Variants in ARL13B observed in about 807,000 individuals in gnomAD.
ARL13B encodes ADP-ribosylation factor-like protein 13B.
ARL13B carries 36 observed loss-of-function variants against 56.1 expected under a neutral mutation model. The observed-to-expected ratio is 0.64, with a 90% CI of 0.49 to 0.85. ARL13B has a LOEUF of 0.85. ARL13B is among the 40% of genes least tolerant of loss of function. ARL13B has a pLI of 0.00. For synonymous variants in ARL13B, 178 were observed against 171.1 expected (o/e 1.04, Z -0.32); for missense variants, 519 against 507.1 (o/e 1.02, Z -0.23).
chr3:94,050,214 G>A (rs1004442871), intron 8 of ARL13B, among the ~76,000 whole-genome samples: 1 of 149,400 alleles, frequency 6.7e-6, no homozygotes, highest in Non-Finnish European at 1.5e-5. Flanking sequence ...GAAAGTTAAT[G>A]TTTGAAACCA....
At chr3:94,042,985 G>A in intron 6 of ARL13B, 30 bp from the exon 7 acceptor site, 1 of 1,528,560 alleles carries the variant, frequency 6.5e-7, no homozygotes, top group Non-Finnish European at 8.9e-7. Context: ...AACCATCATA[G>A]TAAAGATAAT....
At chr3:93,996,667 C>T (rs749857841) in intron 2 of ARL13B, 3 of 425,858 alleles carry the variant, frequency 7.0e-6, no homozygotes, top group African/African-American at 4.1e-5. Context: ...CATGAGCCAC[C>T]ACGCCCAGCC....
intron 3 of ARL13B, among the ~76,000 whole-genome samples, chr3:94,006,661 T>G (rs1243157906): frequency 6.6e-6 from 1 of 152,206 alleles, no homozygotes; most frequent in African/African-American, 2.4e-5. Context: ...GGTACATGCT[T>G]GTTATGACCA....
intron 4 of ARL13B, 94 bp downstream of exon 4, chr3:94,035,530 G>C: frequency 1.2e-6 from 1 of 836,864 alleles, no homozygotes; most frequent in Non-Finnish European, 1.9e-6. Flanking sequence ...GCAATTAAAA[G>C]GCAATGTTTT....
chr3:94,050,923 A>C, intron 9 of ARL13B, 31 bp downstream of exon 9: 3 of 1,588,864 alleles, frequency 1.9e-6, no homozygotes, highest in Non-Finnish European at 2.6e-6. Flanking sequence ...TTCAGATATC[A>C]TCTGTACATG....
intron 7 of ARL13B, among the ~76,000 whole-genome samples, chr3:94,044,690 C>T (rs948541547): frequency 6.9e-6 from 1 of 145,820 alleles, no homozygotes; most frequent in Non-Finnish European, 1.5e-5. Flanking sequence ...CCCGGCTGCC[C>T]ATCGTCTGGG....
At chr3:94,048,683 C>T (rs542338011) in intron 7 of ARL13B, among the ~76,000 whole-genome samples, 1 of 152,048 alleles carries the variant, frequency 6.6e-6, no homozygotes, top group Non-Finnish European at 1.5e-5. Context: ...CCTTGAACTC[C>T]AGGGCTCAAG....
At chr3:94,018,453 C>T (rs978080552) in intron 3 of ARL13B, among the ~76,000 whole-genome samples, 8 of 151,962 alleles carry the variant, frequency 5.3e-5, no homozygotes, top group African/African-American at 1.9e-4. Flanking sequence ...TTGGCTCTTC[C>T]TTTATCACTA....
In ARL13B at chr3:94,018,802, G is replaced by C. The variant is rs567996945; in HGVS notation, c.380+14894G>C. ...GTTTTTTGAGACCGAGTCTCACTCT[G>C]TCCCCTAGGCCGGAGTGCAGTGGTG... On this transcript the variant is annotated intron_variant, in intron 3 of 9. Coordinates refer to ENST00000394222, the MANE Select transcript of ARL13B (RefSeq NM_001174150.2). Among the ~76,000 whole-genome samples, 4 of 152,214 alleles carry C rather than the reference G, an allele frequency of 2.6e-5. No individual in the cohort carries two copies. The East Asian group carries it at 7.7e-4, about 29-fold the overall frequency.
intron 1 of ARL13B, among the ~76,000 whole-genome samples, chr3:93,982,538 C>T (rs1302104730): frequency 1.3e-5 from 2 of 152,060 alleles, no homozygotes; most frequent in African/African-American, 2.4e-5. Flanking sequence ...TTTGCATATG[C>T]TAGGTTAAAT....
At chr3:93,982,503 A>G (rs1417218280) in intron 1 of ARL13B, among the ~76,000 whole-genome samples, 3 of 152,238 alleles carry the variant, frequency 2.0e-5, no homozygotes, top group African/African-American at 4.8e-5. Flanking sequence ...TTTTAAAAGT[A>G]TGATTACATG....
intron 1 of ARL13B, among the ~76,000 whole-genome samples, chr3:93,983,874 T>C (rs896355940): frequency 6.6e-6 from 1 of 152,182 alleles, no homozygotes; most frequent in African/African-American, 2.4e-5. Flanking sequence ...TTAGGAGCAC[T>C]GAACCCTGCC....
chr3:94,045,501 C>A (rs1465396903), intron 7 of ARL13B, among the ~76,000 whole-genome samples: 2 of 150,874 alleles, frequency 1.3e-5, no homozygotes, highest in Non-Finnish European at 3.0e-5. Context: ...CCAGAGCCCC[C>A]AACTGATCTG....
intron 1 of ARL13B, among the ~76,000 whole-genome samples, chr3:93,983,420 G>C (rs750774051): frequency 6.6e-6 from 1 of 152,106 alleles, no homozygotes; most frequent in South Asian, 2.1e-4. Context: ...CTCCATTCAT[G>C]AATCAATGAA....
At chr3:94,012,482 CTATATAG>C (rs2076242125) in intron 3 of ARL13B, among the ~76,000 whole-genome samples, 1 of 152,128 alleles carries the variant, frequency 6.6e-6, no homozygotes, top group Non-Finnish European at 1.5e-5. Flanking sequence ...TCCACCACCA[CTATATAG>C]TATGTAGTAA....
chr3:93,990,154 G>A lies in ARL13B; in HGVS notation c.60-5720G>A, dbSNP rs574221886. Among the ~76,000 whole-genome samples, 4 of 152,078 alleles carry A rather than the reference G, an allele frequency of 2.6e-5. No individual in the cohort carries two copies. The East Asian group carries it at 5.8e-4, about 22-fold the overall frequency. On this transcript the variant is annotated intron_variant, in intron 1 of 9. Transcript: ENST00000394222. Reference sequence around the variant, plus strand: ...TGAGTAGCTGGGATTGCAGGTGGGCGCCACCAAGCCTGGCTAATTTTTTTT... The same window carrying A: ...TGAGTAGCTGGGATTGCAGGTGGGCACCACCAAGCCTGGCTAATTTTTTTT...
At chr3:94,026,934 A>G (rs376086643) in intron 3 of ARL13B, among the ~76,000 whole-genome samples, 19 of 152,154 alleles carry the variant, frequency 1.2e-4, no homozygotes, top group African/African-American at 4.3e-4. Context: ...TAGAAAAGTA[A>G]ACTGGTGCGA....
chr3:94,026,372 C>T (rs2076558547), intron 3 of ARL13B, among the ~76,000 whole-genome samples: 1 of 152,162 alleles, frequency 6.6e-6, no homozygotes, highest in African/African-American at 2.4e-5. Flanking sequence ...GACTGAAAGT[C>T]ACAGTTGCTT....
intron 3 of ARL13B, among the ~76,000 whole-genome samples, chr3:94,026,950 A>G (rs1043570504): frequency 2.0e-5 from 3 of 152,280 alleles, no homozygotes; most frequent in Middle Eastern, 3.4e-3. Context: ...TGCGACTCAA[A>G]TAAAAGGTTC....
Sources: gnomAD v4.1 joint callset for allele counts (sites outside exome capture counted in the v4.1 genomes callset) on GRCh38, gnomAD v4.1.1 for gene constraint, MANE v1.5 for transcripts, NCBI Gene and HGNC (gene_info 2026-07-23, HGNC 2026-07-21) for gene names.